MEI4: variants seen among roughly 807,000 people sequenced by gnomAD.
MEI4 encodes meiotic double-stranded break formation protein 4.
In MEI4, 27 loss-of-function variants were observed where a neutral mutation model predicts 31.4. The ratio of observed to expected loss-of-function variants is 0.86; its 90% CI spans 0.63 to 1.19. The LOEUF (loss-of-function observed/expected upper bound fraction) is 1.19, where lower values mean the gene tolerates loss of function less well. Ranked by LOEUF, MEI4 falls within the 50% of genes most tolerant of loss-of-function variation. The probability of loss-of-function intolerance (pLI) is 0.00; values close to 1 mark genes in which losing one functional copy is unlikely to be tolerated. For missense variants in MEI4, 329 were observed against 398.9 expected (o/e 0.82, Z 1.49); for synonymous variants, 122 against 145.4 (o/e 0.84, Z 1.16).
At chr6:77,704,650 C>T (rs560447247) in intron 2 of MEI4, among the ~76,000 whole-genome samples, 38 of 152,164 alleles carry the variant, frequency 2.5e-4, no homozygotes, top group Non-Finnish European at 4.1e-4. Context: ...GCTTAACAGG[C>T]CCCCCAGGTG....
rs1581986866 is a variant in MEI4, at chr6:77,923,388, G to A, written c.*42G>A. The A allele has an allele frequency of 5.8e-6, 7 of 1,216,302 alleles. No homozygotes were observed. In the East Asian group the frequency reaches 2.2e-4, roughly 39 times the overall value. 75.3% of individuals were successfully genotyped at this position (1,216,302 alleles called of 1,614,324 possible). On this transcript the variant is annotated 3_prime_UTR_variant, in exon 5 of 5. Coordinates refer to ENST00000684080, the MANE Select transcript of MEI4 (RefSeq NM_001322247.2). ...TTTACCACGTTTGAAGCATAATAAA[G>A]TAGAATATATGAAAATCTCATACTG... is the stretch of plus-strand genomic sequence containing the variant.
intron 2 of MEI4, among the ~76,000 whole-genome samples, chr6:77,758,155 C>CAA (rs58249702): frequency 6.2e-4 from 72 of 115,794 alleles, no homozygotes; most frequent in Non-Finnish European, 7.0e-4. Context: ...CTCCATCTCA[C>CAA]AAAAAAAAAA....
At chr6:77,701,730 T>A (rs1040069776) in intron 2 of MEI4, among the ~76,000 whole-genome samples, 2 of 151,968 alleles carry the variant, frequency 1.3e-5, no homozygotes, top group Non-Finnish European at 2.9e-5. Flanking sequence ...GAAAAGAAAG[T>A]AAGAAAAAAT....
intron 4 of MEI4, among the ~76,000 whole-genome samples, chr6:77,830,563 G>A (rs1281340913): frequency 6.6e-6 from 1 of 151,924 alleles, no homozygotes; most frequent in Non-Finnish European, 1.5e-5. Context: ...AAGAAAAATA[G>A]CAATAACACA....
intron 4 of MEI4, among the ~76,000 whole-genome samples, chr6:77,866,174 C>T (rs1336662542): frequency 1.3e-5 from 2 of 151,958 alleles, no homozygotes; most frequent in African/African-American, 4.8e-5. Flanking sequence ...TGGCACAAGA[C>T]AGGGATGCCC....
chr6:77,675,579 C>A (rs1354658477), intron 1 of MEI4, among the ~76,000 whole-genome samples: 1 of 150,588 alleles, frequency 6.6e-6, no homozygotes, highest in African/African-American at 2.5e-5. Flanking sequence ...TTGGTTGACA[C>A]CCAGTTAAAA....
At chr6:77,798,493 T>C (rs1164883406) in intron 3 of MEI4, among the ~76,000 whole-genome samples, 2 of 151,928 alleles carry the variant, frequency 1.3e-5, no homozygotes, top group Non-Finnish European at 2.9e-5. Context: ...ATTTATTTTT[T>C]CTTTTATTAT....
chr6:77,861,747 CTCAGTTTTA>C (rs1770871466), intron 4 of MEI4, among the ~76,000 whole-genome samples: 1 of 152,104 alleles, frequency 6.6e-6, no homozygotes, highest in Non-Finnish European at 1.5e-5. Context: ...TACTCTAAGA[CTCAGTTTTA>C]TCATTTGTGA....
intron 1 of MEI4, among the ~76,000 whole-genome samples, chr6:77,666,857 C>CTGTG (rs754710415): frequency 0.12 from 18,077 of 148,222 alleles, 1,162 homozygotes; most frequent in African/African-American, 0.13. Context: ...CTACATGCCT[C>CTGTG]TGTGTGTGTG....
chr6:77,903,346 A>G (rs6930937), intron 4 of MEI4, among the ~76,000 whole-genome samples: 21,373 of 152,074 alleles, frequency 0.14, 1,783 homozygotes, highest in East Asian at 0.4. Flanking sequence ...ATTATGTGTG[A>G]TAGTCAGCAC....
At chr6:77,729,356 A>T (rs1233161688) in intron 2 of MEI4, among the ~76,000 whole-genome samples, 3 of 152,218 alleles carry the variant, frequency 2.0e-5, no homozygotes, top group Non-Finnish European at 4.4e-5. Context: ...TTAGGCATAA[A>T]TGGGTTATTA....
At chr6:77,744,277 A>T in intron 2 of MEI4, among the ~76,000 whole-genome samples, 1 of 152,192 alleles carries the variant, frequency 6.6e-6, no homozygotes, top group Non-Finnish European at 1.5e-5. Context: ...TACTTAAAGG[A>T]GCTGATGGAG....
intron 1 of MEI4, among the ~76,000 whole-genome samples, chr6:77,661,912 A>G (rs1768518152): frequency 6.6e-6 from 1 of 152,166 alleles, no homozygotes; most frequent in African/African-American, 2.4e-5. Flanking sequence ...CCTTATCAGC[A>G]TAAGCATTGC....
At chr6:77,692,556 G>C (rs1374681565) in intron 2 of MEI4, among the ~76,000 whole-genome samples, 3 of 152,008 alleles carry the variant, frequency 2.0e-5, no homozygotes, top group Non-Finnish European at 2.9e-5. Context: ...ATAGTGAGTT[G>C]AATTAGATCT....
chr6:77,744,146 A>C (rs1171476930), intron 2 of MEI4, among the ~76,000 whole-genome samples: 7 of 152,226 alleles, frequency 4.6e-5, no homozygotes, highest in African/African-American at 1.7e-4. Context: ...TGAGAGAAGA[A>C]GGCTTCAGAC....
intron 1 of MEI4, among the ~76,000 whole-genome samples, chr6:77,685,065 C>G (rs562627990): frequency 2.6e-5 from 4 of 152,274 alleles, no homozygotes; most frequent in African/African-American, 9.6e-5. Context: ...GAGACGATAT[C>G]TAATTGTAGT....
intron 1 of MEI4, among the ~76,000 whole-genome samples, chr6:77,677,271 C>T (rs769939382): frequency 1.1e-4 from 16 of 152,174 alleles, no homozygotes; most frequent in Non-Finnish European, 1.8e-4. Context: ...CATGATTTCT[C>T]AATATCCATC....
In MEI4 at chr6:77,733,068, G is replaced by A. The variant is rs568561761; in HGVS notation, c.233-28062G>A. Among the ~76,000 whole-genome samples, 350 of 151,996 alleles carry A rather than the reference G, an allele frequency of 2.3e-3. 8 individuals carry two copies. The highest frequency in any genetic ancestry group is 8.0e-3 in the African/African-American group (329 of 41,320). ...GGATTTTTGCATCAATGTTCATCAA[G>A]GATATTGATCTAAAATTCTCTTTTT... On this transcript the variant is annotated intron_variant, in intron 2 of 4. Transcript: ENST00000684080.
chr6:77,735,100 C>CAATT (rs1561964652), intron 2 of MEI4, among the ~76,000 whole-genome samples: 1 of 151,962 alleles, frequency 6.6e-6, no homozygotes, highest in African/African-American at 2.4e-5. Flanking sequence ...GGTGAACTGA[C>CAATT]AATTATGTGT....
Sources: allele counts gnomAD v4.1 joint callset (sites outside exome capture counted in the v4.1 genomes callset), GRCh38; gene constraint gnomAD v4.1.1; transcripts MANE v1.5; gene names NCBI Gene and HGNC (gene_info 2026-07-23, HGNC 2026-07-21).